The following OSGIN2 variants were observed in gnomAD, a reference collection of about 807,000 sequenced individuals.
OSGIN2 encodes the protein oxidative stress-induced growth inhibitor 2.
Under a neutral mutation model 53.8 loss-of-function variants are expected in OSGIN2, and 19 were observed. The ratio of observed to expected loss-of-function variants is 0.35; its 90% CI spans 0.25 to 0.52. OSGIN2 has a LOEUF of 0.52. OSGIN2 is among the 20% of genes least tolerant of loss of function. The probability of loss-of-function intolerance (pLI) is 0.95; values close to 1 mark genes in which losing one functional copy is unlikely to be tolerated. For synonymous variants in OSGIN2, 236 were observed against 236.0 expected (o/e 1.00, Z 0.00); for missense variants, 520 against 662.7 (o/e 0.78, Z 2.36).
intron 2 of OSGIN2, among the ~76,000 whole-genome samples, chr8:89,910,927 A>G (rs1358559226): frequency 2.0e-5 from 3 of 152,196 alleles, no homozygotes; most frequent in Admixed American, 6.5e-5. Context: ...AATTTCTTAA[A>G]TATATGTTTT....
Position 89,924,808 on chromosome 8 carries a change from T to G in OSGIN2, c.926T>G (p.Leu309Arg). 1.2e-6 allele frequency: 2 copies of G among 1,614,186 alleles called. No individual in the cohort carries two copies. The highest frequency in any genetic ancestry group is 1.3e-5 in the African/African-American group (1 of 75,070). ...AATGTAGCGCTGGCAACTGGAACGCTGGATTCTCCTGCCCATCTGGAAATT... is the reference window on the plus strand; with the variant it reads ...AATGTAGCGCTGGCAACTGGAACGCGGGATTCTCCTGCCCATCTGGAAATT... ...AENVALATGTLDSPAHLEIEG... is the reference protein window; with the variant it reads ...AENVALATGTRDSPAHLEIEG... Residue 309 changes from leucine (L) to arginine (R), a missense_variant, in exon 6 of 6, where the codon CTG becomes CGG. This residue lies in a region of OSGIN2 where 239 missense variants were observed against 328.3 expected (regional missense o/e 0.73). Coordinates refer to ENST00000451899, the MANE Select transcript of OSGIN2 (RefSeq NM_001126111.3).
chr8:89,904,217 C>T (rs1478377311), intron 1 of OSGIN2, among the ~76,000 whole-genome samples: 1 of 152,104 alleles, frequency 6.6e-6, no homozygotes, highest in Non-Finnish European at 1.5e-5. Flanking sequence ...AATAGGTTCC[C>T]CTAGTGAAAC....
In OSGIN2 at chr8:89,925,269, C is replaced by T. The variant is rs1422682247; in HGVS notation, c.1387C>T (p.Leu463=). Residue 463 remains leucine (L), a synonymous_variant, in exon 6 of 6, where the codon CTG becomes TTG. Transcript: ENST00000451899. The part of the protein sequence containing the change: ...AVVLIGSHPN[L]SFLKDQGCYL... ...AGTATTGATAGGTTCTCATCCTAAT[C>T]TGTCTTTTCTGAAGGATCAAGGGTG... The T allele has an allele frequency of 9.9e-6, 16 of 1,614,176 alleles. No individual in the cohort carries two copies. Among genetic ancestry groups the T allele is most frequent in the African/African-American group, 1.3e-5 (1 of 75,052 alleles).
chr8:89,922,227 C>A (rs970802968), intron 5 of OSGIN2, among the ~76,000 whole-genome samples: 1 of 152,138 alleles, frequency 6.6e-6, no homozygotes, highest in African/African-American at 2.4e-5. Flanking sequence ...TGCTACATAA[C>A]AACCATGTTA....
intron 2 of OSGIN2, among the ~76,000 whole-genome samples, chr8:89,912,387 G>C (rs1393009673): frequency 6.6e-6 from 1 of 152,158 alleles, no homozygotes; most frequent in African/African-American, 2.4e-5. Context: ...TGAGACCATG[G>C]CGTTGCAGTA....
chr8:89,919,725 G>A (rs999886133), intron 4 of OSGIN2, among the ~76,000 whole-genome samples: 1 of 152,154 alleles, frequency 6.6e-6, no homozygotes, highest in African/African-American at 2.4e-5. Context: ...ACTCCTTGAA[G>A]GACACTCATA....
At chr8:89,903,521 T>G (rs942273031) in intron 1 of OSGIN2, among the ~76,000 whole-genome samples, 1 of 152,244 alleles carries the variant, frequency 6.6e-6, no homozygotes. Flanking sequence ...GGGAATACTT[T>G]AGTACCTTGC....
intron 4 of OSGIN2, among the ~76,000 whole-genome samples, chr8:89,919,229 A>G (rs1282690384): frequency 1.3e-5 from 2 of 152,216 alleles, no homozygotes; most frequent in African/African-American, 4.8e-5. Flanking sequence ...TAGGATTCAC[A>G]GGACTCAGTA....
At chr8:89,918,773 A>C (rs1197048036) in intron 4 of OSGIN2, among the ~76,000 whole-genome samples, 2 of 152,194 alleles carry the variant, frequency 1.3e-5, no homozygotes, top group East Asian at 1.9e-4. Flanking sequence ...GTAGTTACTC[A>C]AGCCAGGAAC....
At chr8:89,913,060 C>A (rs752795392) in intron 2 of OSGIN2, among the ~76,000 whole-genome samples, 3 of 152,032 alleles carry the variant, frequency 2.0e-5, no homozygotes, top group African/African-American at 7.2e-5. Context: ...TCCACAGTAG[C>A]GATGTTATCT....
rs1809340805 is a variant in OSGIN2, at chr8:89,926,672, A to C, written c.*1140A>C. On this transcript the variant is annotated 3_prime_UTR_variant, in exon 6 of 6. Transcript: ENST00000451899. ...AAGTGTGTTTACTGTCTGTGTTTTC[A>C]CACAAACTGCTAGAATTTTTAATGT... 6.6e-6 allele frequency: 1 copy of C among 152,204 alleles called. No individual in the cohort carries two copies. The highest frequency in any genetic ancestry group is 2.4e-5 in the African/African-American group (1 of 41,456). 9.4% of individuals were successfully genotyped at this position (152,204 alleles called of 1,614,324 possible). A position where few individuals can be genotyped will look rare whatever the true frequency, so the allele number is the denominator to read the frequency against.
intron 4 of OSGIN2, among the ~76,000 whole-genome samples, chr8:89,917,402 G>A (rs1221885527): frequency 1.3e-5 from 2 of 152,124 alleles, no homozygotes; most frequent in South Asian, 2.1e-4. Flanking sequence ...TACTTACCCA[G>A]CCCAGCTTCT....
Position 89,925,737 on chromosome 8 carries a change from G to T in OSGIN2, c.*205G>T, listed in dbSNP as rs1194896370. 2.1e-6 allele frequency: 1 copy of T among 480,616 alleles called. No individual in the cohort carries two copies. The highest frequency in any genetic ancestry group is 3.7e-6 in the Non-Finnish European group (1 of 271,484). 29.8% of individuals were successfully genotyped at this position (480,616 alleles called of 1,614,324 possible). A position where few individuals can be genotyped will look rare whatever the true frequency, so the allele number is the denominator to read the frequency against. ...CAAAGGTGTCACTGTCAGACAAATA[G>T]AAACACTGCCAACTTGGTGTAACTT... is the stretch of plus-strand genomic sequence containing the variant. On this transcript the variant is annotated 3_prime_UTR_variant, in exon 6 of 6. Coordinates refer to ENST00000451899, the MANE Select transcript of OSGIN2 (RefSeq NM_001126111.3).
Position 89,927,853 on chromosome 8 carries a change from A to AAATT in OSGIN2, c.*2322_*2325dup, listed in dbSNP as rs1809383932. The AAATT allele has an allele frequency of 6.6e-6, 1 of 152,242 alleles. No individual in the cohort carries two copies. The highest frequency in any genetic ancestry group is 1.5e-5 in the Non-Finnish European group (1 of 68,038). The allele number at this position is 152,242 out of a possible 1,614,324, so 9.4% of individuals were successfully genotyped here. On this transcript the variant is annotated 3_prime_UTR_variant, in exon 6 of 6. Transcript: ENST00000451899. The stretch of plus-strand genomic sequence containing the variant: ...AGGAAGTGGTGGAAAATTTCTAAAT[A>AAATT]AATTCAACTATTAAATAAATGCAAG...
In OSGIN2 at chr8:89,925,735, T is replaced by TA. The variant is rs1344546798; in HGVS notation, c.*204dup. ...TTCAAAGGTGTCACTGTCAGACAAA[T>TA]AGAAACACTGCCAACTTGGTGTAAC... On this transcript the variant is annotated 3_prime_UTR_variant, in exon 6 of 6. Transcript: ENST00000451899. The TA allele has an allele frequency of 2.1e-6, 1 of 483,520 alleles. No individual in the cohort carries two copies. 30.0% of individuals were successfully genotyped at this position (483,520 alleles called of 1,614,324 possible).
rs965002658 is a variant in OSGIN2, at chr8:89,925,900, T to C, written c.*368T>C. ...TGTGCAGTCATTATGCCAGAAATTA[T>C]CTTAAATATATAATGGGTCACCTTG... On this transcript the variant is annotated 3_prime_UTR_variant, in exon 6 of 6. Transcript: ENST00000451899. The C allele has an allele frequency of 3.2e-5, 6 of 185,462 alleles. No individual in the cohort carries two copies. The highest frequency in any genetic ancestry group is 1.2e-4 in the African/African-American group (5 of 42,134). 11.5% of individuals were successfully genotyped at this position (185,462 alleles called of 1,614,324 possible).
In OSGIN2 at chr8:89,903,008, G is replaced by T. The variant is rs1219192207; in HGVS notation, c.44+171G>T. Among the ~76,000 whole-genome samples, 3 of 152,272 alleles carry T rather than the reference G, an allele frequency of 2.0e-5. No homozygotes were observed. In the East Asian group the frequency reaches 5.8e-4, roughly 29 times the overall value. ...GGGTGGGGTGGGGTGCGGTGTGGTG[G>T]GGTCCTTGCTCCGGGGAGCCCTGCG... On this transcript the variant is annotated intron_variant, in intron 1 of 5. Transcript: ENST00000451899.
At chr8:89,923,096 A>G (rs1320339842) in intron 5 of OSGIN2, among the ~76,000 whole-genome samples, 1 of 152,146 alleles carries the variant, frequency 6.6e-6, no homozygotes, top group African/African-American at 2.4e-5. Flanking sequence ...TGAGTCAGTG[A>G]GTGGTGAGTG....
In OSGIN2 at chr8:89,921,434, T is replaced by C. The variant is rs574578932; in HGVS notation, c.620+263T>C. 6.1e-5 allele frequency: 20 copies of C among 327,416 alleles called. No homozygotes were observed. The South Asian group carries it at 1.3e-3, about 21-fold the overall frequency. The allele number at this position is 327,416 out of a possible 1,614,324, so 20.3% of individuals were successfully genotyped here. A position where few individuals can be genotyped will look rare whatever the true frequency, so the allele number is the denominator to read the frequency against. On this transcript the variant is annotated intron_variant, in intron 5 of 5. Coordinates refer to ENST00000451899, the MANE Select transcript of OSGIN2 (RefSeq NM_001126111.3). Reference sequence around the variant, plus strand: ...TGGGTTTATCTACTGTCTTGTTACATCACTCTCTGTTTAGTTACTTTCTCA... The same window carrying C: ...TGGGTTTATCTACTGTCTTGTTACACCACTCTCTGTTTAGTTACTTTCTCA...
Sources: gnomAD v4.1 joint callset for allele counts (sites outside exome capture counted in the v4.1 genomes callset) on GRCh38, gnomAD v4.1.1 for gene constraint, gnomAD v4.1.1 regional missense constraint, MANE v1.5 for transcripts, NCBI Gene and HGNC (gene_info 2026-07-23, HGNC 2026-07-21) for gene names.